RALYL: variants seen among roughly 807,000 people sequenced by gnomAD.
RALYL encodes the protein RNA-binding Raly-like protein.
RALYL carries 29 observed loss-of-function variants against 35.1 expected under a neutral mutation model. That is an observed-to-expected ratio of 0.83 (90% CI 0.61 to 1.13). RALYL has a LOEUF of 1.13. Among genes scored for constraint, RALYL ranks in the 50% most tolerant of loss-of-function variants. The pLI is 0.00. For missense variants in RALYL, 359 were observed against 360.4 expected (o/e 1.00, Z 0.03); for synonymous variants, 120 against 127.6 (o/e 0.94, Z 0.40).
At position 84,840,170 on chromosome 8, in the gene RALYL, G is replaced by T. The variant is rs183548449; in HGVS notation, c.366-9810G>T. 2.9e-3 allele frequency among the ~76,000 whole-genome samples: 436 copies of T among 151,934 alleles called. 1 individual carries two copies. Among genetic ancestry groups the T allele is most frequent in the Non-Finnish European group, 4.1e-3 (278 of 67,982 alleles). On this transcript the variant is annotated intron_variant, in intron 4 of 8. Transcript: ENST00000521268. The stretch of plus-strand genomic sequence containing the variant: ...AGGCTTCAGACGATCAAACTACTCC[G>T]AGCTAAAGGAGGAAGTTTGAACCCA...
chr8:84,918,659 AG>A, intron 8 of RALYL, among the ~76,000 whole-genome samples: 1 of 152,286 alleles, frequency 6.6e-6, no homozygotes, highest in East Asian at 1.9e-4. Flanking sequence ...TCTTTCTCCC[AG>A]GCTTTACAGC....
At chr8:84,300,597 C>T (rs1308837783) in intron 1 of RALYL, among the ~76,000 whole-genome samples, 1 of 151,988 alleles carries the variant, frequency 6.6e-6, no homozygotes, top group African/African-American at 2.4e-5. Context: ...TCTCTAAGAA[C>T]TTGCTTTATT....
chr8:84,756,061 A>G (rs990363109), intron 2 of RALYL, among the ~76,000 whole-genome samples: 1 of 151,930 alleles, frequency 6.6e-6, no homozygotes, highest in Non-Finnish European at 1.5e-5. Flanking sequence ...ATTTTTTTGA[A>G]TTTTTGAGAT....
chr8:84,431,112 T>C (rs181374092), intron 1 of RALYL, among the ~76,000 whole-genome samples: 10 of 152,264 alleles, frequency 6.6e-5, no homozygotes, highest in Non-Finnish European at 1.3e-4. Flanking sequence ...TCCTGAGTAC[T>C]TACAGTGTGC....
intron 1 of RALYL, among the ~76,000 whole-genome samples, chr8:84,266,352 A>T (rs569726119): frequency 1.3e-3 from 194 of 152,316 alleles, no homozygotes; most frequent in Non-Finnish European, 2.1e-3. Flanking sequence ...GGAATAGATT[A>T]TGCTCCTATT....
At chr8:84,684,894 T>A (rs1199880319) in intron 2 of RALYL, among the ~76,000 whole-genome samples, 1 of 152,176 alleles carries the variant, frequency 6.6e-6, no homozygotes, top group African/African-American at 2.4e-5. Context: ...TTGCACAGTT[T>A]AGGAGGTAGA....
chr8:84,766,719 T>C (rs528006403), intron 2 of RALYL, among the ~76,000 whole-genome samples: 106 of 25,856 alleles, frequency 4.1e-3, no homozygotes, highest in Admixed American at 6.2e-3. Flanking sequence ...TGAGACTGTC[T>C]CAAAAAAAAA....
intron 1 of RALYL, among the ~76,000 whole-genome samples, chr8:84,249,737 T>C (rs907140746): frequency 1.3e-5 from 2 of 152,196 alleles, no homozygotes; most frequent in South Asian, 2.1e-4. Flanking sequence ...CATCTTGATG[T>C]CTTAGAGAGT....
chr8:84,904,533 TGCTTATGA>T (rs1457481616), intron 8 of RALYL, among the ~76,000 whole-genome samples: 2 of 152,190 alleles, frequency 1.3e-5, no homozygotes, highest in Non-Finnish European at 2.9e-5. Context: ...TGTGAACACA[TGCTTATGA>T]GTATGCTTAA....
At position 84,388,112 on chromosome 8, in the gene RALYL, G is replaced by A. The variant is rs562762558; in HGVS notation, c.-23-141187G>A. Among the ~76,000 whole-genome samples the A allele has an allele frequency of 2.4e-4, 36 of 152,022 alleles. No individual in the cohort carries two copies. In the South Asian group the frequency reaches 5.2e-3, roughly 22 times the overall value. On this transcript the variant is annotated intron_variant, in intron 1 of 8. Transcript: ENST00000521268. ...GTGGTGTTTGGTTTTTTGTTCTTGC[G>A]ATAGTTTACTGAGAATGATGATTTC...
intron 1 of RALYL, among the ~76,000 whole-genome samples, chr8:84,185,502 A>G (rs984849999): frequency 6.6e-6 from 1 of 152,170 alleles, no homozygotes; most frequent in African/African-American, 2.4e-5. Context: ...GTTGGCAATA[A>G]AAAGCCTTTT....
rs397969558 is a variant in RALYL, at chr8:84,756,779, GT to G, written c.257-17789del. Among the ~76,000 whole-genome samples the G allele has an allele frequency of 7.4e-3, 1,080 of 146,892 alleles. 9 individuals carry two copies. The highest frequency in any genetic ancestry group is 0.02 in the African/African-American group (801 of 40,450). On this transcript the variant is annotated intron_variant, in intron 2 of 8. Coordinates refer to ENST00000521268, the MANE Select transcript of RALYL (RefSeq NM_173848.7). ...TTATAAAAGATATGTTGTAAAAGGTGTTTTTTTTTTTATTAGCAGAACTAAT... is the reference window on the plus strand; with the variant it reads ...TTATAAAAGATATGTTGTAAAAGGTGTTTTTTTTTTATTAGCAGAACTAAT...
chr8:84,468,456 A>T (rs1245358976), intron 1 of RALYL, among the ~76,000 whole-genome samples: 3 of 149,960 alleles, frequency 2.0e-5, no homozygotes, highest in African/African-American at 4.8e-5. Context: ...TTCTTTAAGA[A>T]TGTTGAACAT....
chr8:84,277,316 T>C (rs1356785224), intron 1 of RALYL, among the ~76,000 whole-genome samples: 3 of 152,166 alleles, frequency 2.0e-5, no homozygotes, highest in Non-Finnish European at 1.5e-5. Flanking sequence ...GTGAGACTTA[T>C]TCACTACCAT....
intron 2 of RALYL, among the ~76,000 whole-genome samples, chr8:84,544,188 T>C (rs571895582): frequency 2.6e-5 from 4 of 152,070 alleles, no homozygotes; most frequent in Non-Finnish European, 5.9e-5. Flanking sequence ...TTTTAATGTT[T>C]GATTATTATA....
intron 1 of RALYL, among the ~76,000 whole-genome samples, chr8:84,497,212 C>G (rs2056127785): frequency 6.6e-6 from 1 of 152,132 alleles, no homozygotes; most frequent in African/African-American, 2.4e-5. Context: ...CTGATGGCTA[C>G]TCTCAAGCAT....
At chr8:84,813,462 C>T (rs1280604526) in intron 4 of RALYL, among the ~76,000 whole-genome samples, 1 of 152,172 alleles carries the variant, frequency 6.6e-6, no homozygotes, top group Non-Finnish European at 1.5e-5. Flanking sequence ...AAATTTATGA[C>T]TTTTAATCCA....
chr8:84,309,025 A>G (rs1401577687), intron 1 of RALYL, among the ~76,000 whole-genome samples: 2 of 151,724 alleles, frequency 1.3e-5, no homozygotes, highest in Non-Finnish European at 2.9e-5. Flanking sequence ...TATATACTAT[A>G]CAATTATGTA....
At chr8:84,808,094 G>A (rs1825083459) in intron 4 of RALYL, among the ~76,000 whole-genome samples, 1 of 152,184 alleles carries the variant, frequency 6.6e-6, no homozygotes, top group Admixed American at 6.5e-5. Context: ...ATGTCTAGAA[G>A]CATTTTTCCA....
Sources: allele counts gnomAD v4.1 joint callset (sites outside exome capture counted in the v4.1 genomes callset), GRCh38; gene constraint gnomAD v4.1.1; transcripts MANE v1.5; gene names NCBI Gene and HGNC (gene_info 2026-07-23, HGNC 2026-07-21).